TTLL11: variants seen among roughly 807,000 people sequenced by gnomAD.
TTLL11 encodes tubulin polyglutamylase TTLL11.
In TTLL11, 42 loss-of-function variants were observed where a neutral mutation model predicts 51.7. The ratio of observed to expected loss-of-function variants is 0.81; its 90% CI spans 0.64 to 1.05. TTLL11 has a LOEUF of 1.05. TTLL11 is among the 50% of genes least tolerant of loss of function. The pLI is 0.00. For synonymous variants in TTLL11, 381 were observed against 383.5 expected, an observed-to-expected ratio of 0.99 and a Z score of 0.08; for missense variants, 799 against 940.4, an observed-to-expected ratio of 0.85 and a Z score of 1.97.
intron 6 of TTLL11, among the ~76,000 whole-genome samples, chr9:121,920,020 G>A (rs1840472267): frequency 6.6e-6 from 1 of 152,134 alleles, no homozygotes. Flanking sequence ...TAGGCTGAGT[G>A]TGGTGGCTCA....
intron 6 of TTLL11, among the ~76,000 whole-genome samples, chr9:121,934,880 T>C (rs537506053): frequency 2.0e-5 from 3 of 152,342 alleles, no homozygotes; most frequent in Admixed American, 1.3e-4. Flanking sequence ...GCATTTTGTT[T>C]GTTTGTTTTA....
chr9:121,967,635 G>A (rs1012351300), intron 6 of TTLL11, among the ~76,000 whole-genome samples: 4 of 152,068 alleles, frequency 2.6e-5, no homozygotes, highest in African/African-American at 4.8e-5. Flanking sequence ...AAAACTTCTC[G>A]TAGCAAAAAA....
intron 8 of TTLL11, among the ~76,000 whole-genome samples, chr9:121,847,917 A>C (rs1837564442): frequency 6.6e-6 from 1 of 152,352 alleles, no homozygotes; most frequent in Non-Finnish European, 1.5e-5. Context: ...AATATCAGCA[A>C]ATTGAATCAC....
chr9:121,877,157 C>T (rs1188849936), intron 6 of TTLL11, among the ~76,000 whole-genome samples: 2 of 152,218 alleles, frequency 1.3e-5, no homozygotes, highest in Non-Finnish European at 2.9e-5. Flanking sequence ...TCGGCCAAGG[C>T]GAAGTCCCCT....
intron 8 of TTLL11, among the ~76,000 whole-genome samples, chr9:121,858,056 C>T (rs765750639): frequency 3.3e-5 from 5 of 152,184 alleles, no homozygotes; most frequent in Non-Finnish European, 5.9e-5. Flanking sequence ...TGCCGCTGCT[C>T]GATTGTCACA....
At chr9:121,931,375 G>C (rs946914916) in intron 6 of TTLL11, among the ~76,000 whole-genome samples, 8 of 152,190 alleles carry the variant, frequency 5.3e-5, no homozygotes, top group African/African-American at 1.7e-4. Flanking sequence ...TAGACTTCTT[G>C]TTGGAGCAGA....
chr9:121,857,274 C>G (rs1837855334), intron 8 of TTLL11, among the ~76,000 whole-genome samples: 1 of 152,204 alleles, frequency 6.6e-6, no homozygotes, highest in Non-Finnish European at 1.5e-5. Context: ...GCTGCCGTCC[C>G]CTCTGACTCC....
At chr9:121,896,646 G>A (rs1298013411) in intron 6 of TTLL11, among the ~76,000 whole-genome samples, 1 of 152,180 alleles carries the variant, frequency 6.6e-6, no homozygotes, top group Non-Finnish European at 1.5e-5. Context: ...GAGGCCATCT[G>A]CAGGTGCCTG....
intron 6 of TTLL11, among the ~76,000 whole-genome samples, chr9:121,940,420 C>G (rs1841408365): frequency 6.6e-6 from 1 of 151,898 alleles, no homozygotes; most frequent in South Asian, 2.1e-4. Flanking sequence ...TCACCACAAC[C>G]TCTGCCTCCC....
chr9:121,917,039 C>T (rs1363910562), intron 6 of TTLL11, among the ~76,000 whole-genome samples: 1 of 152,204 alleles, frequency 6.6e-6, no homozygotes, highest in Non-Finnish European at 1.5e-5. Context: ...GTCCAAGGCC[C>T]TGCCAGGGGT....
intron 1 of TTLL11, among the ~76,000 whole-genome samples, chr9:122,092,394 A>G (rs796438267): frequency 6.6e-6 from 1 of 152,238 alleles, no homozygotes; most frequent in Non-Finnish European, 1.5e-5. Flanking sequence ...ACGTACACAT[A>G]TCTACAAGCA....
intron 6 of TTLL11, among the ~76,000 whole-genome samples, chr9:121,917,836 C>A (rs1480885521): frequency 1.3e-5 from 2 of 152,166 alleles, no homozygotes; most frequent in African/African-American, 4.8e-5. Context: ...TAAAAATCCA[C>A]TAGAATTAAG....
intron 6 of TTLL11, among the ~76,000 whole-genome samples, chr9:121,934,727 C>A (rs34485006): frequency 0.35 from 52,826 of 151,970 alleles, 9,546 homozygotes; most frequent in Middle Eastern, 0.42. Context: ...AGCCTTACTG[C>A]GCTTCGGTGG....
At chr9:121,920,428 G>A (rs749539955) in intron 6 of TTLL11, among the ~76,000 whole-genome samples, 2 of 152,220 alleles carry the variant, frequency 1.3e-5, no homozygotes, top group Non-Finnish European at 2.9e-5. Flanking sequence ...TGATGGTTTG[G>A]CTTGATCCAA....
At chr9:121,927,230 A>T (rs940096172) in intron 6 of TTLL11, among the ~76,000 whole-genome samples, 1 of 152,260 alleles carries the variant, frequency 6.6e-6, no homozygotes, top group African/African-American at 2.4e-5. Context: ...CACTGTTGTA[A>T]AAATGAATTG....
intron 6 of TTLL11, among the ~76,000 whole-genome samples, chr9:121,931,709 T>C (rs1190173830): frequency 6.6e-6 from 1 of 152,100 alleles, no homozygotes; most frequent in Non-Finnish European, 1.5e-5. Flanking sequence ...AGAACAGGGC[T>C]TGTGGAACAA....
At chr9:121,869,585 G>A (rs1838283809) in intron 7 of TTLL11, among the ~76,000 whole-genome samples, 1 of 152,040 alleles carries the variant, frequency 6.6e-6, no homozygotes, top group Non-Finnish European at 1.5e-5. Flanking sequence ...ACTCTGTGTA[G>A]GACCATATAT....
chr9:122,041,797 T>C (rs2131829313), intron 1 of TTLL11, among the ~76,000 whole-genome samples: 1 of 152,150 alleles, frequency 6.6e-6, no homozygotes, highest in Admixed American at 6.5e-5. Context: ...CAGAAAGATA[T>C]CCTATGCTCA....
Position 121,971,873 on chromosome 9 carries a change from A to T in TTLL11, c.1481+2136T>A, listed in dbSNP as rs1842588682. On this transcript the variant is annotated intron_variant, in intron 6 of 8. Coordinates refer to ENST00000321582, the MANE Select transcript of TTLL11 (RefSeq NM_001139442.2). ...TGGAAACCGTCATTCTTAGCAAACT[A>T]ACACAAAAACAGAAAACCAAACACT... Among the ~76,000 whole-genome samples, 4 of 152,190 alleles carry T rather than the reference A, an allele frequency of 2.6e-5. No homozygotes were observed. The South Asian group carries it at 8.3e-4, about 32-fold the overall frequency.
Sources: gnomAD v4.1 joint callset for allele counts (sites outside exome capture counted in the v4.1 genomes callset) on GRCh38, gnomAD v4.1.1 for gene constraint, MANE v1.5 for transcripts, NCBI Gene and HGNC (gene_info 2026-07-23, HGNC 2026-07-21) for gene names.